Variants in KHDRBS2 observed in about 807,000 individuals in gnomAD.
KHDRBS2 encodes the protein KH RNA binding domain containing, signal transduction associated 2.
A neutral mutation model predicts 44.3 loss-of-function variants in KHDRBS2; 26 were observed. The ratio of observed to expected loss-of-function variants is 0.59; its 90% confidence interval spans 0.43 to 0.81. KHDRBS2 has a LOEUF of 0.81. Ranked by LOEUF, KHDRBS2 falls within the 40% of genes least tolerant of loss-of-function variation. The pLI is 0.00. For synonymous variants in KHDRBS2, 194 were observed against 151.1 expected, an observed-to-expected ratio of 1.28 and a Z score of -2.08; for missense variants, 476 against 433.1, an observed-to-expected ratio of 1.10 and a Z score of -0.88.
intron 2 of KHDRBS2, among the ~76,000 whole-genome samples, chr6:62,065,707 G>C (rs1164167353): frequency 3.4e-5 from 5 of 147,802 alleles, no homozygotes; most frequent in South Asian, 2.2e-4. Context: ...TGGGTGCAGC[G>C]CACCAGCATG....
At chr6:62,041,639 T>C (rs1003203501) in intron 3 of KHDRBS2, among the ~76,000 whole-genome samples, 3 of 152,126 alleles carry the variant, frequency 2.0e-5, no homozygotes, top group African/African-American at 7.2e-5. Context: ...GTAGCATTAA[T>C]AAAATGTTTT....
chr6:61,571,511 G>A, the KHDRBS2 span, among the ~76,000 whole-genome samples: 1 of 105,176 alleles, frequency 9.5e-6, no homozygotes, highest in Admixed American at 9.8e-5. Context: ...AGTTCATCTA[G>A]ACAGAAAGTC....
intron 2 of KHDRBS2, among the ~76,000 whole-genome samples, chr6:62,158,559 A>C (rs1184610301): frequency 6.6e-6 from 1 of 151,998 alleles, no homozygotes; most frequent in East Asian, 1.9e-4. Flanking sequence ...CATCTCAAAA[A>C]CTCTATATCT....
chr6:62,011,142 G>T (rs1375519566), intron 3 of KHDRBS2, among the ~76,000 whole-genome samples: 2 of 152,074 alleles, frequency 1.3e-5, no homozygotes, highest in Admixed American at 6.5e-5. Context: ...TGGTGTGAAA[G>T]AAATTATTAG....
intron 6 of KHDRBS2, among the ~76,000 whole-genome samples, chr6:61,882,200 G>A (rs1800300913): frequency 1.3e-5 from 2 of 152,058 alleles, no homozygotes; most frequent in South Asian, 2.1e-4. Flanking sequence ...TTGAGAAGAA[G>A]AAAGAAAAGA....
the KHDRBS2 span, among the ~76,000 whole-genome samples, chr6:61,561,388 T>C: frequency 1.3e-5 from 2 of 152,164 alleles, no homozygotes; most frequent in African/African-American, 4.8e-5. Context: ...CTGTGTTCTC[T>C]TAAAGCCCTA....
At chr6:62,082,248 CT>C (rs1324903261) in intron 2 of KHDRBS2, among the ~76,000 whole-genome samples, 2 of 151,644 alleles carry the variant, frequency 1.3e-5, no homozygotes, top group Non-Finnish European at 1.5e-5. Context: ...TAAAACCCAT[CT>C]TCTGACAAGA....
chr6:62,215,184 A>T (rs561271249), intron 1 of KHDRBS2, among the ~76,000 whole-genome samples: 3 of 152,044 alleles, frequency 2.0e-5, no homozygotes, highest in East Asian at 1.9e-4. Context: ...AAACTAAAAA[A>T]ATATAACTTA....
At chr6:62,009,156 T>A (rs1779822099) in intron 3 of KHDRBS2, among the ~76,000 whole-genome samples, 1 of 152,102 alleles carries the variant, frequency 6.6e-6, no homozygotes. Flanking sequence ...GACAATGAAA[T>A]CCAGTCTGAG....
At chr6:61,544,805 T>C in the KHDRBS2 span, among the ~76,000 whole-genome samples, 1 of 152,062 alleles carries the variant, frequency 6.6e-6, no homozygotes, top group East Asian at 1.9e-4. Flanking sequence ...CTGGAAACCA[T>C]CATTCTCAGC....
chr6:61,774,231 G>A (rs1261551836), intron 6 of KHDRBS2, among the ~76,000 whole-genome samples: 1 of 152,054 alleles, frequency 6.6e-6, no homozygotes, highest in Non-Finnish European at 1.5e-5. Flanking sequence ...AAATTACTTT[G>A]GGCAGTATGG....
intron 6 of KHDRBS2, among the ~76,000 whole-genome samples, chr6:61,782,515 C>G (rs1214821512): frequency 6.6e-6 from 1 of 151,744 alleles, no homozygotes; most frequent in Non-Finnish European, 1.5e-5. Flanking sequence ...TAAACGATCA[C>G]AGATGAATTA....
intron 1 of KHDRBS2, among the ~76,000 whole-genome samples, 181 bp from the exon 2 acceptor site, chr6:62,177,493 T>C (rs1821386095): frequency 6.6e-6 from 1 of 151,464 alleles, no homozygotes; most frequent in Admixed American, 6.6e-5. Context: ...GCTGCTACTG[T>C]ATGTAAGAGA....
Position 61,992,879 on chromosome 6 carries a change from C to G in KHDRBS2, c.337-14667G>C, listed in dbSNP as rs536115415. ...CCTTTCTATCCTTTATTTTTGTAAA[C>G]TTAATGAATGCTCTACCAATACTGG... On this transcript the variant is annotated intron_variant, in intron 3 of 8. Transcript: ENST00000281156. Among the ~76,000 whole-genome samples, 9 of 152,218 alleles carry G rather than the reference C, an allele frequency of 5.9e-5. No individual in the cohort carries two copies. The East Asian group carries it at 1.2e-3, about 20-fold the overall frequency.
intron 2 of KHDRBS2, among the ~76,000 whole-genome samples, chr6:62,145,282 A>G (rs1009810807): frequency 4.6e-5 from 7 of 150,612 alleles, no homozygotes; most frequent in Admixed American, 2.0e-4. Context: ...TAGGCTTGAT[A>G]TTTTCACAGT....
At chr6:62,229,843 G>A (rs1832607629) in intron 1 of KHDRBS2, among the ~76,000 whole-genome samples, 1 of 152,146 alleles carries the variant, frequency 6.6e-6, no homozygotes, top group African/African-American at 2.4e-5. Flanking sequence ...CAGTCCTGAT[G>A]ACAGAATCTG....
intron 6 of KHDRBS2, among the ~76,000 whole-genome samples, chr6:61,888,640 C>A (rs1219508727): frequency 1.3e-5 from 2 of 148,728 alleles, no homozygotes; most frequent in Non-Finnish European, 3.0e-5. Flanking sequence ...CGGTTCCCTG[C>A]AAGCTCCGCC....
the KHDRBS2 span, among the ~76,000 whole-genome samples, chr6:61,609,658 GT>G: frequency 6.6e-6 from 1 of 152,052 alleles, no homozygotes; most frequent in Non-Finnish European, 1.5e-5. Context: ...TTAGACCCTG[GT>G]CAATGGAACT....
chr6:62,169,019 T>C (rs1384743626), intron 2 of KHDRBS2, among the ~76,000 whole-genome samples: 2 of 102,944 alleles, frequency 1.9e-5, no homozygotes, highest in African/African-American at 3.6e-5. Context: ...TTAAGAATAG[T>C]GTTTGTTCTC....
Sources: allele counts gnomAD v4.1 joint callset (sites outside exome capture counted in the v4.1 genomes callset), GRCh38; gene constraint gnomAD v4.1.1; transcripts MANE v1.5; gene names NCBI Gene and HGNC (gene_info 2026-07-23, HGNC 2026-07-21).